Variants in ZDBF2 observed in about 807,000 individuals in gnomAD.
The protein encoded by ZDBF2 is DBF4-type zinc finger-containing protein 2.
In ZDBF2, 6 loss-of-function variants were observed where a neutral mutation model predicts 9.4. The observed-to-expected ratio is 0.64, with a 90% CI of 0.35 to 1.27. The LOEUF (loss-of-function observed/expected upper bound fraction) is 1.27, where lower values mean the gene tolerates loss of function less well. Ranked by LOEUF, ZDBF2 falls within the 50% of genes most tolerant of loss-of-function variation. ZDBF2 has a pLI of 0.03. For synonymous variants in ZDBF2, 905 were observed against 946.3 expected (o/e 0.96, Z 0.80); for missense variants, 2,697 against 2,766.8 (o/e 0.97, Z 0.57).
rs1169495106 is a variant in ZDBF2 at position 206,310,845 on chromosome 2, C to G, written c.6317C>G (p.Pro2106Arg). ...DADGQGSASA[P>R]LMAVPARYGF... Reference sequence around the variant, plus strand: ...GATGGACAAGGCTCTGCTTCAGCGCCTTTAATGGCAGTGCCGGCAAGATAT... The same window carrying G: ...GATGGACAAGGCTCTGCTTCAGCGCGTTTAATGGCAGTGCCGGCAAGATAT... The change falls in exon 5 of 5, where the codon CCT becomes CGT. Residue 2106 changes from proline (P) to arginine (R), a missense_variant. Coordinates refer to ENST00000374423, the MANE Select transcript of ZDBF2 (RefSeq NM_020923.3). 1 of 1,613,906 alleles carries G rather than the reference C, an allele frequency of 6.2e-7. No homozygotes were observed.
At chr2:206,286,651 C>G (rs569778434) in intron 3 of ZDBF2, among the ~76,000 whole-genome samples, 50 of 152,152 alleles carry the variant, frequency 3.3e-4, no homozygotes, top group Non-Finnish European at 6.8e-4. Flanking sequence ...CTGCCTCAGC[C>G]TCGTTAGTAG....
Position 206,310,480 on chromosome 2 carries a change from A to G in ZDBF2, c.5952A>G (p.Lys1984=). The change falls in exon 5 of 5, where the codon AAA becomes AAG. Residue 1984 remains lysine, a synonymous_variant. Coordinates refer to ENST00000374423, the MANE Select transcript of ZDBF2 (RefSeq NM_020923.3). The part of the protein sequence containing the change: ...RLQDDRKTKK[K]VKIGTVEFPA... ...AGGATGACAGAAAAACCAAAAAGAA[A>G]GTCAAAATTGGGACAGTTGAATTTC... 2 of 1,613,744 alleles carry G rather than the reference A, an allele frequency of 1.2e-6. No homozygotes were observed. Among genetic ancestry groups the G allele is most frequent in the South Asian group, 2.2e-5 (2 of 91,020 alleles).
At chr2:206,275,643 C>T (rs1690954106) in intron 1 of ZDBF2, among the ~76,000 whole-genome samples, 1 of 152,024 alleles carries the variant, frequency 6.6e-6, no homozygotes, top group Non-Finnish European at 1.5e-5. Flanking sequence ...GGGACCAAAA[C>T]CCCACCCCCA....
chr2:206,286,884 A>G (rs553176934), intron 3 of ZDBF2, among the ~76,000 whole-genome samples: 3 of 152,054 alleles, frequency 2.0e-5, no homozygotes, highest in East Asian at 1.9e-4. Flanking sequence ...CGGTTGTTTT[A>G]TGTGTGCTTT....
chr2:206,313,221 T>C lies in ZDBF2; in HGVS notation c.*1628T>C, dbSNP rs1383066111. The C allele has an allele frequency of 1.3e-5, 2 of 152,244 alleles. No individual in the cohort carries two copies. The highest frequency in any genetic ancestry group is 2.9e-5 in the Non-Finnish European group (2 of 68,036). 9.4% of individuals were successfully genotyped at this position (152,244 alleles called of 1,614,324 possible). On this transcript the variant is annotated 3_prime_UTR_variant, in exon 5 of 5. Transcript: ENST00000374423. ...TAGTGTAACAGTTGGTTTCTAAATGTGGTTTTATTTCAGGGGCCATTATTT... is the reference window on the plus strand; with the variant it reads ...TAGTGTAACAGTTGGTTTCTAAATGCGGTTTTATTTCAGGGGCCATTATTT...
intron 3 of ZDBF2, among the ~76,000 whole-genome samples, chr2:206,283,908 C>A (rs1224176740): frequency 6.6e-6 from 1 of 152,202 alleles, no homozygotes; most frequent in African/African-American, 2.4e-5. Context: ...AGTGATTCTC[C>A]TGCTTTGGCC....
At position 206,300,527 on chromosome 2, in the gene ZDBF2, C is replaced by T. The variant is rs372777864; in HGVS notation, c.188+3154C>T. Among the ~76,000 whole-genome samples the T allele has an allele frequency of 2.0e-4, 31 of 152,256 alleles. 1 individual carries two copies. The highest frequency in any genetic ancestry group is 7.5e-4 in the African/African-American group (31 of 41,542). ...TATCTTAGAATCGATGTGCCCTTCT[C>T]AGTGTGTAGCATCAGGAGACACATA... On this transcript the variant is annotated intron_variant, in intron 4 of 4. Coordinates refer to ENST00000374423, the MANE Select transcript of ZDBF2 (RefSeq NM_020923.3).
At chr2:206,297,447 C>T (rs1335799306) in intron 4 of ZDBF2, 74 bp downstream of exon 4, 2 of 1,293,814 alleles carry the variant, frequency 1.5e-6, no homozygotes, top group Non-Finnish European at 1.1e-6. Context: ...ATGTCCCAAT[C>T]AATACTTTAA....
rs199768532 is a variant in ZDBF2, at chr2:206,304,852, C to G, written c.324C>G (p.Ser108=). ...AGGATGCTACCGAAGAGAGACCATC[C>G]GAGGTTTCAGAACCTATTGAAGAGT... ...EDEDATEERP[S]EVSEPIEELH... is the part of the protein sequence containing the mutation. The change falls in exon 5 of 5, where the codon TCC becomes TCG. Residue 108 remains serine, a synonymous_variant. Transcript: ENST00000374423. 1 of 1,613,602 alleles carries G rather than the reference C, an allele frequency of 6.2e-7. No individual in the cohort carries two copies. The highest frequency in any genetic ancestry group is 1.1e-5 in the South Asian group (1 of 91,058).
In ZDBF2 at chr2:206,312,929, T is replaced by C. The variant is rs1393672695; in HGVS notation, c.*1336T>C. The C allele has an allele frequency of 6.6e-6, 1 of 152,236 alleles. No individual in the cohort carries two copies. Among genetic ancestry groups the C allele is most frequent in the African/African-American group, 2.4e-5 (1 of 41,460 alleles). The allele number at this position is 152,236 out of a possible 1,614,324, so 9.4% of individuals were successfully genotyped here. On this transcript the variant is annotated 3_prime_UTR_variant, in exon 5 of 5. Coordinates refer to ENST00000374423, the MANE Select transcript of ZDBF2 (RefSeq NM_020923.3). ...AGATTTTAACAGTTCAAATGAAAGA[T>C]GTTAACGAGATGCAGTTTGAGTCTG...
chr2:206,287,196 A>G (rs1296717511), intron 3 of ZDBF2, among the ~76,000 whole-genome samples: 4 of 152,168 alleles, frequency 2.6e-5, no homozygotes, highest in African/African-American at 7.2e-5. Context: ...GTTTTTGTGA[A>G]AGTAACTATT....
intron 3 of ZDBF2, among the ~76,000 whole-genome samples, chr2:206,289,435 T>C (rs572792674): frequency 3.3e-5 from 5 of 152,008 alleles, no homozygotes; most frequent in South Asian, 2.1e-4. Context: ...CCACTTCAGC[T>C]CCAGCCTGAT....
intron 1 of ZDBF2, among the ~76,000 whole-genome samples, 156 bp from the exon 2 acceptor site, chr2:206,279,384 C>T (rs569809386): frequency 7.9e-4 from 121 of 152,224 alleles, no homozygotes; most frequent in Middle Eastern, 6.8e-3. Flanking sequence ...TTCAGTGAGT[C>T]ATAGTATGTA....
rs1250664162 is a variant in ZDBF2, at chr2:206,309,479, A to G, written c.4951A>G (p.Ile1651Val). The change falls in exon 5 of 5, where the codon ATT becomes GTT. Residue 1651 changes from isoleucine to valine, a missense_variant. Physicochemically the swap from Ile to Val is conservative, Grantham distance 29 (BLOSUM62 3). This residue lies in a region of ZDBF2 where 1,783 missense variants were observed against 1,776.5 expected (regional missense o/e 1.00). Coordinates refer to ENST00000374423, the MANE Select transcript of ZDBF2 (RefSeq NM_020923.3). ...ACCTGATGAGAAAATGGTGAAATAT[A>G]TTGATTCAGAAGATAAGAGCTGTGG... is the stretch of plus-strand genomic sequence containing the variant. ...QGPDEKMVKY[I>V]DSEDKSCGYN... 1 of 1,613,846 alleles carries G rather than the reference A, an allele frequency of 6.2e-7. No individual in the cohort carries two copies. The highest frequency in any genetic ancestry group is 2.2e-5 in the East Asian group (1 of 44,896).
At position 206,311,007 on chromosome 2, in the gene ZDBF2, C is replaced by T. The variant is rs1392000504; in HGVS notation, c.6479C>T (p.Pro2160Leu). 1.2e-6 allele frequency: 2 copies of T among 1,611,382 alleles called. No homozygotes were observed. Among genetic ancestry groups the T allele is most frequent in the African/African-American group, 1.3e-5 (1 of 74,606 alleles). The change falls in exon 5 of 5, where the codon CCA becomes CTA. Residue 2160 changes from proline (P) to leucine (L), a missense_variant. Transcript: ENST00000374423. ...FLNHDVVKIS[P>L]KSVRNKLLES... ...AATCATGATGTTGTCAAAATCTCTC[C>T]AAAATCAGTTAGAAATAAGCTTTTG...
In ZDBF2 at chr2:206,311,487, C is replaced by G. The variant is rs1386174612; in HGVS notation, c.6959C>G (p.Ser2320Cys). Residue 2320 changes from serine to cysteine, a missense_variant, in exon 5 of 5, where the codon TCT (serine) becomes TGT (cysteine). Around this residue, in one of 3 missense-constraint regions of ZDBF2, gnomAD observed 1,783 missense variants for 1,776.5 expected, o/e 1.00. Coordinates refer to ENST00000374423, the MANE Select transcript of ZDBF2 (RefSeq NM_020923.3). ...ESYHGRQKGPSTPVRAYDLRS... is the reference protein window; with the variant it reads ...ESYHGRQKGPCTPVRAYDLRS... ...TACCATGGCCGACAGAAAGGTCCTT[C>G]TACACCTGTGAGAGCATATGATCTG... The G allele has an allele frequency of 6.2e-7, 1 of 1,608,878 alleles. No individual in the cohort carries two copies. Among genetic ancestry groups the G allele is most frequent in the Non-Finnish European group, 8.5e-7 (1 of 1,178,538 alleles).
rs761753596 is a variant in ZDBF2, at chr2:206,308,654, G to T, written c.4126G>T (p.Ala1376Ser). 6.2e-6 allele frequency: 10 copies of T among 1,612,260 alleles called. No homozygotes were observed. Among genetic ancestry groups the T allele is most frequent in the Non-Finnish European group, 6.8e-6 (8 of 1,179,842 alleles). The change falls in exon 5 of 5, where the codon GCA becomes TCA. Residue 1376 changes from alanine to serine, a missense_variant. Physicochemically the swap from Ala to Ser is moderately conservative, Grantham distance 99. This residue lies in a region of ZDBF2 where 1,783 missense variants were observed against 1,776.5 expected (regional missense o/e 1.00). Coordinates refer to ENST00000374423, the MANE Select transcript of ZDBF2 (RefSeq NM_020923.3). ...TTCTGATTCCAATGACTCTTTTCAG[G>T]CAGCAGCAGATGAGCTTCAAAAACC... ...ESSDSNDSFQAAADELQKPVK... is the reference protein window; with the variant it reads ...ESSDSNDSFQSAADELQKPVK...
chr2:206,313,844 G>T lies in ZDBF2; in HGVS notation c.*2251G>T, dbSNP rs1399452708. 6.6e-6 allele frequency: 1 copy of T among 152,118 alleles called. No individual in the cohort carries two copies. Among genetic ancestry groups the T allele is most frequent in the Non-Finnish European group, 1.5e-5 (1 of 67,990 alleles). 9.4% of individuals were successfully genotyped at this position (152,118 alleles called of 1,614,324 possible). ...AGACATAAAAGTACAGTGCAGTACT[G>T]ATGATTTTGTTTAAAGTTTTTGAAA... On this transcript the variant is annotated 3_prime_UTR_variant, in exon 5 of 5. Coordinates refer to ENST00000374423, the MANE Select transcript of ZDBF2 (RefSeq NM_020923.3).
intron 3 of ZDBF2, among the ~76,000 whole-genome samples, chr2:206,284,879 C>A (rs1691520144): frequency 6.6e-6 from 1 of 152,142 alleles, no homozygotes; most frequent in Non-Finnish European, 1.5e-5. Context: ...CAAGAGTGCA[C>A]CAACACACCT....
Sources: gnomAD v4.1 joint callset for allele counts (sites outside exome capture counted in the v4.1 genomes callset) on GRCh38, gnomAD v4.1.1 for gene constraint, gnomAD v4.1.1 regional missense constraint, MANE v1.5 for transcripts, NCBI Gene and HGNC (gene_info 2026-07-23, HGNC 2026-07-21) for gene names.